The following CUL3 variants were observed in gnomAD, a reference collection of about 807,000 sequenced individuals.
The protein encoded by CUL3 is cullin-3.
Under a neutral mutation model 89.1 loss-of-function variants are expected in CUL3, and 19 were observed. The ratio of observed to expected loss-of-function variants is 0.21; its 90% CI spans 0.15 to 0.31. CUL3 has a LOEUF of 0.31. CUL3 is among the 10% of genes least tolerant of loss of function. The pLI is 1.00. For missense variants in CUL3, 469 were observed against 942.3 expected, an observed-to-expected ratio of 0.50 and a Z score of 6.58; for synonymous variants, 351 against 308.4, an observed-to-expected ratio of 1.14 and a Z score of -1.45.
At chr2:224,500,109 C>T (rs532685061) in intron 11 of CUL3, 6 of 332,734 alleles carry the variant, frequency 1.8e-5, no homozygotes, top group Non-Finnish European at 2.8e-5. Context: ...ATTTTTACTG[C>T]TGCTCTAAAT....
Position 224,506,040 on chromosome 2 carries a change from A to C in CUL3, c.1122T>G (p.Phe374Leu). 1 of 1,612,820 alleles carries C rather than the reference A, an allele frequency of 6.2e-7. No homozygotes were observed. Among genetic ancestry groups the C allele is most frequent in the Non-Finnish European group, 8.5e-7 (1 of 1,179,148 alleles). The change falls in exon 8 of 16, where the codon TTT becomes TTG. Residue 374 changes from phenylalanine (F) to leucine (L), a missense_variant. Physicochemically the swap from Phe to Leu is conservative, Grantham distance 22. Transcript: ENST00000264414. Reference sequence around the variant, plus strand: ...TGGAGTTGAGGTTGAGAAAATACTCAAAGTCACCCGCAATAGTTTGTTTAA... The same window carrying C: ...TGGAGTTGAGGTTGAGAAAATACTCCAAGTCACCCGCAATAGTTTGTTTAA... Reference protein sequence around the residue: ...RLFKQTIAGDFEYFLNLNSRS... With the variant: ...RLFKQTIAGDLEYFLNLNSRS...
intron 6 of CUL3, among the ~76,000 whole-genome samples, chr2:224,510,942 A>C (rs1045561314): frequency 6.6e-6 from 1 of 152,182 alleles, no homozygotes; most frequent in Non-Finnish European, 1.5e-5. Context: ...ATCCCAAAGG[A>C]AAGTCTACAA....
At chr2:224,524,882 C>T (rs988138620) in intron 3 of CUL3, among the ~76,000 whole-genome samples, 6 of 151,984 alleles carry the variant, frequency 3.9e-5, no homozygotes, top group Non-Finnish European at 8.8e-5. Flanking sequence ...CTTTGCCCTA[C>T]CCAGAAAGTG....
chr2:224,549,951 T>C (rs1574684247), intron 2 of CUL3, among the ~76,000 whole-genome samples: 1 of 152,190 alleles, frequency 6.6e-6, no homozygotes, highest in Admixed American at 6.5e-5. Flanking sequence ...TATTATCTTA[T>C]AATGTAAGAT....
intron 11 of CUL3, among the ~76,000 whole-genome samples, chr2:224,498,353 G>C (rs1249227869): frequency 8.5e-5 from 13 of 152,060 alleles, no homozygotes; most frequent in Non-Finnish European, 1.8e-4. Context: ...AAAACTGGTA[G>C]TTTTTCTTGA....
chr2:224,548,718 T>C (rs1222790662), intron 2 of CUL3, among the ~76,000 whole-genome samples: 10 of 152,158 alleles, frequency 6.6e-5, no homozygotes, highest in Non-Finnish European at 7.3e-5. Context: ...AAATTAAAAA[T>C]TGAGGCCAGG....
At position 224,471,891 on chromosome 2, in the gene CUL3, A is replaced by C. The variant is rs1442875767; in HGVS notation, c.*2354T>G. On this transcript the variant is annotated 3_prime_UTR_variant, in exon 16 of 16. Coordinates refer to ENST00000264414, the MANE Select transcript of CUL3 (RefSeq NM_003590.5). ...TAAAAGTCTTCTAATAAATCACCAA[A>C]ATTTCTCTGCACCAACAGGATGGAA... 4.3e-6 allele frequency: 1 copy of C among 230,818 alleles called. No individual in the cohort carries two copies. The highest frequency in any genetic ancestry group is 8.6e-6 in the Non-Finnish European group (1 of 116,692). 14.3% of individuals were successfully genotyped at this position (230,818 alleles called of 1,614,324 possible).
chr2:224,493,383 C>G (rs144251799), intron 13 of CUL3, among the ~76,000 whole-genome samples: 1 of 152,140 alleles, frequency 6.6e-6, no homozygotes, highest in Non-Finnish European at 1.5e-5. Context: ...TAGAGAAACA[C>G]GTGGTGTTGA....
intron 2 of CUL3, among the ~76,000 whole-genome samples, chr2:224,537,910 G>A (rs1190203496): frequency 6.6e-6 from 1 of 151,954 alleles, no homozygotes; most frequent in Non-Finnish European, 1.5e-5. Flanking sequence ...ACAAAATAAG[G>A]CATGTTCTTT....
At chr2:224,512,087 A>G (rs1692846757) in intron 5 of CUL3, among the ~76,000 whole-genome samples, 1 of 150,240 alleles carries the variant, frequency 6.7e-6, no homozygotes, top group Admixed American at 6.7e-5. Context: ...TTAAATAACT[A>G]TTCATCTTTT....
At chr2:224,555,686 T>C (rs1694672514) in intron 2 of CUL3, among the ~76,000 whole-genome samples, 1 of 152,170 alleles carries the variant, frequency 6.6e-6, no homozygotes, top group South Asian at 2.1e-4. Flanking sequence ...AACCAGTTCA[T>C]CTCTATATAA....
chr2:224,490,142 CAAT>C (rs978009000), intron 13 of CUL3, among the ~76,000 whole-genome samples: 1 of 152,204 alleles, frequency 6.6e-6, no homozygotes, highest in Non-Finnish European at 1.5e-5. Context: ...ATCAAAACCA[CAAT>C]GAGATACCAT....
In CUL3 at chr2:224,478,366, T is replaced by C. The variant is rs775442262; in HGVS notation, c.2030-21A>G. The C allele has an allele frequency of 8.8e-6, 14 of 1,592,900 alleles. No homozygotes were observed. In the East Asian group the frequency reaches 1.1e-4, roughly 13 times the overall value. ...AGCAACTAAAATAGAAATAAAGACA[T>C]TTATCATAAATCTAATTTTAAAATT... On this transcript the variant is annotated intron_variant, in intron 14 of 15. Transcript: ENST00000264414.
intron 2 of CUL3, among the ~76,000 whole-genome samples, chr2:224,549,686 T>C (rs1694437334): frequency 6.6e-6 from 1 of 152,176 alleles, no homozygotes; most frequent in South Asian, 2.1e-4. Flanking sequence ...CCTTTGTTAC[T>C]CTACAACAAG....
chr2:224,581,769 C>G (rs1055096593), intron 1 of CUL3, among the ~76,000 whole-genome samples: 5 of 151,924 alleles, frequency 3.3e-5, no homozygotes, highest in African/African-American at 1.2e-4. Flanking sequence ...CTTGCCTCTC[C>G]CGAAGTGCTA....
intron 13 of CUL3, among the ~76,000 whole-genome samples, chr2:224,486,991 C>T (rs1483932080): frequency 6.6e-6 from 1 of 152,100 alleles, no homozygotes; most frequent in Admixed American, 6.5e-5. Flanking sequence ...GAATGTTCAA[C>T]CCAGAATATC....
At chr2:224,553,450 A>G (rs1282112191) in intron 2 of CUL3, among the ~76,000 whole-genome samples, 19 of 152,220 alleles carry the variant, frequency 1.2e-4, no homozygotes, top group Admixed American at 1.2e-3. Context: ...CATATACTGT[A>G]TATTTTAAAA....
intron 7 of CUL3, 47 bp from the exon 8 acceptor site, chr2:224,506,179 A>G: frequency 2.3e-6 from 3 of 1,307,010 alleles, no homozygotes; most frequent in Non-Finnish European, 3.1e-6. Flanking sequence ...TAATTTTTCC[A>G]TAAATAATAC....
intron 13 of CUL3, among the ~76,000 whole-genome samples, chr2:224,487,443 C>CCCA (rs1491386973): frequency 7.1e-5 from 2 of 28,084 alleles, no homozygotes; most frequent in Middle Eastern, 0.045. Flanking sequence ...CCGCCCCCCC[C>CCCA]AAAAAAAAAA....
Sources: gnomAD v4.1 joint callset for allele counts (sites outside exome capture counted in the v4.1 genomes callset) on GRCh38, gnomAD v4.1.1 for gene constraint, MANE v1.5 for transcripts, NCBI Gene and HGNC (gene_info 2026-07-23, HGNC 2026-07-21) for gene names.